QPRT: variants seen among roughly 807,000 people sequenced by gnomAD.
QPRT encodes the protein quinolinate phosphoribosyltransferase.
In QPRT, 17 loss-of-function variants were observed where a neutral mutation model predicts 19.8. The ratio of observed to expected loss-of-function variants is 0.86; its 90% confidence interval spans 0.59 to 1.29. The LOEUF (loss-of-function observed/expected upper bound fraction) is 1.29, where lower values mean the gene tolerates loss of function less well. Among genes scored for constraint, QPRT ranks in the 50% most tolerant of loss-of-function variants. The probability of loss-of-function intolerance (pLI) is 0.00; values close to 1 mark genes in which losing one functional copy is unlikely to be tolerated. For synonymous variants in QPRT, 178 were observed against 191.0 expected (o/e 0.93, Z 0.56); for missense variants, 336 against 405.1 (o/e 0.83, Z 1.46).
At chr16:29,690,670 A>G (rs1451409800) in intron 1 of QPRT, among the ~76,000 whole-genome samples, 2 of 151,826 alleles carry the variant, frequency 1.3e-5, no homozygotes, top group Non-Finnish European at 1.5e-5. Flanking sequence ...ACAGGTCCCT[A>G]TTGTTGTGTG....
chr16:29,692,400 G>A (rs1372524595), intron 1 of QPRT, among the ~76,000 whole-genome samples: 1 of 151,960 alleles, frequency 6.6e-6, no homozygotes, highest in Non-Finnish European at 1.5e-5. Flanking sequence ...CTAACACGGT[G>A]AAACCCCGTC....
rs371120697 is a variant in QPRT, at chr16:29,694,776, G to A, written c.126G>A (p.Ser42=). ...CCTTGGTCAGCGGGGCAGGCCCCTC[G>A]CAGGCGGCGCTGTGGGCCAAATCCC... ...YAALVSGAGP[S]QAALWAKSPG... The change falls in exon 2 of 4, where the codon TCG becomes TCA. Residue 42 remains serine (S), a synonymous_variant. Transcript: ENST00000395384. 5.0e-6 allele frequency: 8 copies of A among 1,613,726 alleles called. No homozygotes were observed. The highest frequency in any genetic ancestry group is 3.3e-5 in the Admixed American group (2 of 60,010).
chr16:29,684,353 T>A (rs1185419064), intron 1 of QPRT, among the ~76,000 whole-genome samples: 1 of 152,082 alleles, frequency 6.6e-6, no homozygotes, highest in African/African-American at 2.4e-5. Flanking sequence ...TGGAGAGCAA[T>A]GGCACTATCT....
intron 1 of QPRT, among the ~76,000 whole-genome samples, chr16:29,687,926 G>A (rs1967210538): frequency 2.6e-5 from 4 of 152,058 alleles, no homozygotes. Context: ...AGGCTGCAGT[G>A]AGCCATGATT....
chr16:29,683,178 C>T (rs1003698212), intron 1 of QPRT, among the ~76,000 whole-genome samples: 16 of 151,950 alleles, frequency 1.1e-4, no homozygotes, highest in East Asian at 1.9e-4. Context: ...GCGTGCACCA[C>T]CACACATGGA....
chr16:29,694,750 G>T lies in QPRT; in HGVS notation c.100G>T (p.Ala34Ser), dbSNP rs1408891538. 2 of 1,611,526 alleles carry T rather than the reference G, an allele frequency of 1.2e-6. No individual in the cohort carries two copies. The change falls in exon 2 of 4, where the codon GCC (alanine) becomes TCC (serine). Residue 34 changes from alanine (A) to serine (S), a missense_variant. Ala to Ser is a moderately conservative substitution (Grantham distance 99, BLOSUM62 1). Transcript: ENST00000395384. Reference protein sequence around the residue: ...REDCPGLNYAALVSGAGPSQA... With the variant: ...REDCPGLNYASLVSGAGPSQA... ...GGACTGCCCAGGGCTCAACTACGCA[G>T]CCTTGGTCAGCGGGGCAGGCCCCTC...
intron 1 of QPRT, among the ~76,000 whole-genome samples, chr16:29,685,295 A>G (rs1967129407): frequency 6.6e-6 from 1 of 152,004 alleles, no homozygotes; most frequent in Non-Finnish European, 1.5e-5. Flanking sequence ...AACATGGTGA[A>G]ACCCCATCTC....
intron 1 of QPRT, among the ~76,000 whole-genome samples, chr16:29,693,422 G>A (rs942497202): frequency 1.3e-5 from 2 of 151,558 alleles, no homozygotes; most frequent in Admixed American, 6.6e-5. Context: ...ACAGGCCTGC[G>A]CCACTATACT....
chr16:29,690,558 TTTG>T (rs1967296720), intron 1 of QPRT, among the ~76,000 whole-genome samples: 1 of 152,092 alleles, frequency 6.6e-6, no homozygotes, highest in Non-Finnish European at 1.5e-5. Flanking sequence ...GCAATGCTGA[TTTG>T]CTCTGTGCCT....
intron 1 of QPRT, among the ~76,000 whole-genome samples, chr16:29,683,295 G>C (rs548144720): frequency 6.6e-6 from 1 of 152,124 alleles, no homozygotes; most frequent in African/African-American, 2.4e-5. Context: ...CTCCCAAAGT[G>C]CTGGGATTAC....
At chr16:29,685,781 C>T (rs778387890) in intron 1 of QPRT, among the ~76,000 whole-genome samples, 48 of 152,224 alleles carry the variant, frequency 3.2e-4, no homozygotes, top group Admixed American at 7.9e-4. Context: ...GGGAGGACTG[C>T]TTGAGCCCAG....
At chr16:29,683,496 C>T (rs1356405500) in intron 1 of QPRT, among the ~76,000 whole-genome samples, 1 of 152,062 alleles carries the variant, frequency 6.6e-6, no homozygotes, top group Non-Finnish European at 1.5e-5. Context: ...GCTAGGACTA[C>T]AGGCGTGTGT....
rs558211926 is a variant in QPRT at position 29,698,019 on chromosome 16, AGAGGGAGGGAGG to A, written c.*619_*630del. On this transcript the variant is annotated 3_prime_UTR_variant, in exon 4 of 4. Coordinates refer to ENST00000395384, the MANE Select transcript of QPRT (RefSeq NM_014298.6). ...ACAAAGGAAAGAAAGAGAGAAAGAG[AGAGGGAGGGAGG>A]GAGGGAGGGAAAGGAAGGATGGAAA... 4 of 128,388 alleles carry A rather than the reference AGAGGGAGGGAGG, an allele frequency of 3.1e-5. No individual in the cohort carries two copies. The highest frequency in any genetic ancestry group is 5.8e-5 in the African/African-American group (2 of 34,442). 8.0% of individuals were successfully genotyped at this position (128,388 alleles called of 1,614,324 possible).
intron 1 of QPRT, among the ~76,000 whole-genome samples, chr16:29,679,926 A>C (rs559907653): frequency 1.3e-5 from 2 of 150,746 alleles, no homozygotes; most frequent in South Asian, 4.2e-4. Flanking sequence ...ATTTCCTTTA[A>C]GCTCAAAGCA....
intron 1 of QPRT, among the ~76,000 whole-genome samples, chr16:29,685,075 G>T (rs1014431926): frequency 6.6e-6 from 1 of 152,158 alleles, no homozygotes; most frequent in African/African-American, 2.4e-5. Flanking sequence ...TACTAATTCT[G>T]GTAGATCCCC....
chr16:29,687,725 C>T (rs1967203210), intron 1 of QPRT, among the ~76,000 whole-genome samples: 1 of 151,702 alleles, frequency 6.6e-6, no homozygotes, highest in South Asian at 2.1e-4. Context: ...ATCCCTTTTC[C>T]ATTGCATGCC....
In QPRT at chr16:29,695,129, A is replaced by C. The variant is rs1567332803; in HGVS notation, c.479A>C (p.His160Pro). 6.3e-7 allele frequency: 1 copy of C among 1,586,756 alleles called. No individual in the cohort carries two copies. ...YGLLVGGAAS[H>P]RYDLGGLVMV... is the part of the protein sequence containing the mutation. Reference sequence around the variant, plus strand: ...CTCCTGGTGGGCGGGGCCGCCTCGCACCGCTACGACCTGGGAGGGCTGGTG... The same window carrying C: ...CTCCTGGTGGGCGGGGCCGCCTCGCCCCGCTACGACCTGGGAGGGCTGGTG... The change falls in exon 2 of 4, where the codon CAC becomes CCC. Residue 160 changes from histidine to proline, a missense_variant. By Grantham distance (77) the His-to-Pro change is moderately conservative (BLOSUM62 -2). Transcript: ENST00000395384.
At chr16:29,692,737 C>T (rs531300282) in intron 1 of QPRT, among the ~76,000 whole-genome samples, 1 of 151,990 alleles carries the variant, frequency 6.6e-6, no homozygotes, top group Admixed American at 6.6e-5. Context: ...GGCGACAGAG[C>T]GAGACTCCGT....
chr16:29,693,562 T>C (rs753210447), intron 1 of QPRT, among the ~76,000 whole-genome samples: 1 of 146,598 alleles, frequency 6.8e-6, no homozygotes, highest in Non-Finnish European at 1.5e-5. Context: ...CCCAGCCCCA[T>C]CATCCTCATT....
Sources: gnomAD v4.1 joint callset for allele counts (sites outside exome capture counted in the v4.1 genomes callset) on GRCh38, gnomAD v4.1.1 for gene constraint, MANE v1.5 for transcripts, NCBI Gene and HGNC (gene_info 2026-07-23, HGNC 2026-07-21) for gene names.